SNRPN: variants seen among roughly 807,000 people sequenced by gnomAD.
SNRPN encodes the protein small nuclear ribonucleoprotein-associated protein N.
Under a neutral mutation model 25.2 loss-of-function variants are expected in SNRPN, and 7 were observed. The ratio of observed to expected loss-of-function variants is 0.28; its 90% confidence interval spans 0.16 to 0.52. The LOEUF (loss-of-function observed/expected upper bound fraction) is 0.52, where lower values mean the gene tolerates loss of function less well. Among genes scored for constraint, SNRPN ranks in the 20% least tolerant of loss-of-function variants. The pLI, the probability that SNRPN is intolerant of heterozygous loss-of-function variation, is 0.96. For synonymous variants in SNRPN, 124 were observed against 110.6 expected (o/e 1.12, Z -0.76); for missense variants, 196 against 322.5 (o/e 0.61, Z 3.00).
At chr15:24,895,438 C>T (rs982443035) in intron 2 of SNRPN, among the ~76,000 whole-genome samples, 1 of 141,424 alleles carries the variant, frequency 7.1e-6, no homozygotes, top group African/African-American at 2.7e-5. Context: ...CACACACACA[C>T]ACGGACAACA....
At position 24,826,381 on chromosome 15, in the gene SNRPN, T is replaced by C. The variant is rs559777375; in HGVS notation, c.-687+2531T>C. ...CTCTTGAAGCAATAACATGAGGAAA[T>C]AGTGGGCTTGCATGGCTGCCTCACA... On this transcript the variant is annotated intron_variant, in intron 1 of 12. Transcript: ENST00000400100. Among the ~76,000 whole-genome samples, 18 of 152,214 alleles carry C rather than the reference T, an allele frequency of 1.2e-4. 1 individual carries two copies. The highest frequency in any genetic ancestry group is 4.1e-4 in the African/African-American group (17 of 41,498).
At chr15:24,904,098 G>A (rs1182301172) in intron 2 of SNRPN, among the ~76,000 whole-genome samples, 1 of 151,022 alleles carries the variant, frequency 6.6e-6, no homozygotes, top group Non-Finnish European at 1.5e-5. Context: ...ACATAGAAAC[G>A]ACTAAGTTCA....
At chr15:24,935,978 G>A (rs953127463) in intron 3 of SNRPN, among the ~76,000 whole-genome samples, 2 of 152,022 alleles carry the variant, frequency 1.3e-5, no homozygotes, top group African/African-American at 4.8e-5. Flanking sequence ...AGCTGGGCAT[G>A]GTAGCGCATG....
intron 1 of SNRPN, among the ~76,000 whole-genome samples, chr15:24,864,001 T>G (rs115455336): frequency 0.018 from 2,573 of 145,442 alleles, 191 homozygotes; most frequent in African/African-American, 0.05. Context: ...TTTTTAAATT[T>G]TATTTATTTA....
chr15:24,844,515 A>T (rs1048725948), intron 2 of SNRPN, among the ~76,000 whole-genome samples: 1 of 150,348 alleles, frequency 6.7e-6, no homozygotes, highest in African/African-American at 2.5e-5. Flanking sequence ...GACTAAGAAT[A>T]ATTTGTCCTT....
chr15:24,893,270 G>A (rs2057822777), intron 2 of SNRPN, among the ~76,000 whole-genome samples: 5 of 151,434 alleles, frequency 3.3e-5, no homozygotes. Flanking sequence ...TTTCCTATAA[G>A]TCTGTAACTA....
intron 1 of SNRPN, among the ~76,000 whole-genome samples, chr15:24,862,358 G>C (rs2054062125): frequency 1.3e-5 from 2 of 150,730 alleles, no homozygotes; most frequent in Admixed American, 6.6e-5. Context: ...TGGATTGAGG[G>C]TGGGGAGGCT....
chr15:24,888,296 A>T (rs977914866), intron 2 of SNRPN, among the ~76,000 whole-genome samples: 1 of 151,948 alleles, frequency 6.6e-6, no homozygotes, highest in Non-Finnish European at 1.5e-5. Context: ...TTTAGTAGAG[A>T]CAGGTTTCAC....
chr15:24,908,816 A>G (rs879498265), intron 2 of SNRPN: 8 of 510,732 alleles, frequency 1.6e-5, no homozygotes, highest in East Asian at 3.2e-5. Flanking sequence ...GGGTCTGGAA[A>G]TCTTTCTCTA....
At chr15:24,877,697 A>AC (rs1566858064) in intron 1 of SNRPN, among the ~76,000 whole-genome samples, 1,507 of 113,916 alleles carry the variant, frequency 0.013, 17 homozygotes, top group East Asian at 0.059. Flanking sequence ...CACACACACA[A>AC]ACACACTAGC....
rs183527615 is a variant in SNRPN, at chr15:24,865,686, T to C, written c.-579+8970T>C. ...TTTATTCTTCAACTATAGGGGTGAG[T>C]GACTTAACCCTTGCCTGTCATGGCC... is the stretch of plus-strand genomic sequence containing the variant. On this transcript the variant is annotated intron_variant, in intron 1 of 11. Transcript: ENST00000400097. Among the ~76,000 whole-genome samples, 11 of 152,266 alleles carry C rather than the reference T, an allele frequency of 7.2e-5. No homozygotes were observed. The East Asian group carries it at 2.1e-3, about 29-fold the overall frequency.
chr15:24,900,977 G>C (rs936737265), intron 2 of SNRPN, among the ~76,000 whole-genome samples: 6 of 152,144 alleles, frequency 3.9e-5, no homozygotes, highest in African/African-American at 1.4e-4. Context: ...TGCACCTGTA[G>C]TCCCAGCTAC....
At chr15:24,841,779 T>C (rs988844463) in intron 2 of SNRPN, among the ~76,000 whole-genome samples, 8 of 152,188 alleles carry the variant, frequency 5.3e-5, no homozygotes, top group African/African-American at 1.7e-4. Flanking sequence ...GGGCTGACAT[T>C]GTACGTGTTA....
In SNRPN at chr15:24,842,009, G is replaced by A. The variant is rs150739671; in HGVS notation, c.-579+12104G>A. 6.2e-3 allele frequency among the ~76,000 whole-genome samples: 940 copies of A among 152,150 alleles called. 9 individuals carry two copies. Among genetic ancestry groups the A allele is most frequent in the Non-Finnish European group, 0.011 (750 of 68,008 alleles). Reference sequence around the variant, plus strand: ...GCAGCCAGCTCACTTACATCTGTGGGGAGGAGAGTGACATGTCCCATTTAC... The same window carrying A: ...GCAGCCAGCTCACTTACATCTGTGGAGAGGAGAGTGACATGTCCCATTTAC... On this transcript the variant is annotated intron_variant, in intron 2 of 12. Coordinates refer to the SNRPN transcript ENST00000400100.
chr15:24,949,998 A>C (rs2062139176), upstream of SNRPN, among the ~76,000 whole-genome samples: 1 of 151,690 alleles, frequency 6.6e-6, no homozygotes, highest in South Asian at 2.1e-4. Context: ...CTAATTAAAA[A>C]AAAATTTTTA....
chr15:24,960,253 A>G (rs1045949518), intron 1 of SNRPN, among the ~76,000 whole-genome samples: 2 of 152,158 alleles, frequency 1.3e-5, no homozygotes, highest in East Asian at 1.9e-4. Context: ...GGAAGTTGGC[A>G]AAGTCTATAT....
chr15:24,839,225 T>G (rs2142950124), intron 2 of SNRPN, among the ~76,000 whole-genome samples: 1 of 152,118 alleles, frequency 6.6e-6, no homozygotes, highest in East Asian at 1.9e-4. Context: ...GTTCCATTGT[T>G]CAGTAGCTCC....
chr15:24,890,916 A>AT (rs1257001070), intron 2 of SNRPN, among the ~76,000 whole-genome samples: 2 of 151,874 alleles, frequency 1.3e-5, no homozygotes, highest in Non-Finnish European at 2.9e-5. Context: ...AATTATTATT[A>AT]TTTTTTATTT....
chr15:24,978,169 T>C (rs754650150), intron 8 of SNRPN, 24 bp from the exon 9 acceptor site: 150 of 1,606,740 alleles, frequency 9.3e-5, no homozygotes, highest in Non-Finnish European at 5.9e-5. Context: ...ATGAGGCCTT[T>C]ATTTCTACCA....
Sources: gnomAD v4.1 joint callset for allele counts (sites outside exome capture counted in the v4.1 genomes callset) on GRCh38, gnomAD v4.1.1 for gene constraint, MANE v1.5 for transcripts, NCBI Gene and HGNC (gene_info 2026-07-23, HGNC 2026-07-21) for gene names.